The following UACA variants were observed in gnomAD, a reference collection of about 807,000 sequenced individuals.
The protein encoded by UACA is uveal autoantigen with coiled-coil domains and ankyrin repeats.
In UACA, 112 loss-of-function variants were observed where a neutral mutation model predicts 160.5. The observed-to-expected ratio is 0.70, with a 90% CI of 0.60 to 0.82. UACA has a LOEUF of 0.82. Ranked by LOEUF, UACA falls within the 40% of genes least tolerant of loss-of-function variation. The pLI is 0.00. For synonymous variants in UACA, 557 were observed against 568.4 expected (o/e 0.98, Z 0.29); for missense variants, 1,574 against 1,614.6 (o/e 0.97, Z 0.43).
At chr15:70,690,954 T>C (rs992196557) in intron 4 of UACA, among the ~76,000 whole-genome samples, 4 of 152,192 alleles carry the variant, frequency 2.6e-5, no homozygotes, top group African/African-American at 9.6e-5. Context: ...TAATATTATG[T>C]AGTATAAGTT....
intron 12 of UACA, 136 bp downstream of exon 12, chr15:70,676,972 T>C (rs1897320828): frequency 2.7e-5 from 18 of 669,414 alleles, no homozygotes; most frequent in Non-Finnish European, 3.0e-5. Context: ...TAGTCATCTA[T>C]AGATTTTGAA....
intron 9 of UACA, among the ~76,000 whole-genome samples, chr15:70,680,445 T>A (rs1270452371): frequency 6.6e-6 from 1 of 152,220 alleles, no homozygotes; most frequent in Non-Finnish European, 1.5e-5. Context: ...ATGTTTTGTA[T>A]TATTTGTTTA....
chr15:70,682,738 A>G lies in UACA; in HGVS notation c.822+20T>C. The G allele has an allele frequency of 6.7e-7, 1 of 1,482,760 alleles. No homozygotes were observed. Among genetic ancestry groups the G allele is most frequent in the Non-Finnish European group, 9.1e-7 (1 of 1,097,952 alleles). The allele number at this position is 1,482,760 out of a possible 1,614,324, so 91.9% of individuals were successfully genotyped here. On this transcript the variant is annotated intron_variant, in intron 9 of 18. Coordinates refer to ENST00000322954, the MANE Select transcript of UACA (RefSeq NM_018003.4). ...ACTATACAATACATATAATTATTTAAAATTAAAATTAATATCTACCTGTTG... is the reference window on the plus strand; with the variant it reads ...ACTATACAATACATATAATTATTTAGAATTAAAATTAATATCTACCTGTTG...
At chr15:70,720,459 C>T (rs1383264579) in intron 1 of UACA, among the ~76,000 whole-genome samples, 1 of 152,156 alleles carries the variant, frequency 6.6e-6, no homozygotes, top group South Asian at 2.1e-4. Flanking sequence ...CATGAGCCAC[C>T]ATGCCCCACC....
At chr15:70,740,682 C>A in intron 1 of UACA, among the ~76,000 whole-genome samples, 1 of 143,994 alleles carries the variant, frequency 6.9e-6, no homozygotes, top group Admixed American at 7.0e-5. Flanking sequence ...AGTTTTAGGG[C>A]AAAAATAATA....
At chr15:70,682,842 G>C (rs1454123364) in intron 8 of UACA, 47 bp from the exon 9 acceptor site, 2 of 1,413,844 alleles carry the variant, frequency 1.4e-6, no homozygotes, top group Non-Finnish European at 1.9e-6. Flanking sequence ...AGGTTAACTT[G>C]GGGTAGGTAC....
At chr15:70,777,772 A>G in the UACA span, among the ~76,000 whole-genome samples, 2 of 152,202 alleles carry the variant, frequency 1.3e-5, no homozygotes, top group Non-Finnish European at 2.9e-5. Context: ...TCGGAGGAAA[A>G]GAACTGGAGA....
chr15:70,699,349 T>G (rs949656019), intron 2 of UACA, among the ~76,000 whole-genome samples, 178 bp downstream of exon 2: 4 of 152,134 alleles, frequency 2.6e-5, no homozygotes, highest in Non-Finnish European at 5.9e-5. Flanking sequence ...GTTCCCTCTC[T>G]AGACTGGAAA....
At chr15:70,661,944 C>T (rs1896720523) in intron 17 of UACA, among the ~76,000 whole-genome samples, 1 of 152,176 alleles carries the variant, frequency 6.6e-6, no homozygotes, top group South Asian at 2.1e-4. Flanking sequence ...CCTTTGAAAA[C>T]TGGCACAAGA....
upstream of UACA, among the ~76,000 whole-genome samples, chr15:70,765,182 A>G (rs1428963302): frequency 6.6e-6 from 1 of 152,150 alleles, no homozygotes; most frequent in Non-Finnish European, 1.5e-5. Context: ...CTTTATGCAT[A>G]CTGATCCCTC....
At chr15:70,692,399 G>A (rs1351782803) in intron 3 of UACA, among the ~76,000 whole-genome samples, 2 of 152,110 alleles carry the variant, frequency 1.3e-5, no homozygotes, top group Non-Finnish European at 2.9e-5. Flanking sequence ...CTGGCCTCAA[G>A]CAATCCTGCT....
rs891145081 is a variant in UACA, at chr15:70,755,507, T to C, written c.78+7823A>G. Reference sequence around the variant, plus strand: ...AAACATGGTGAAACCCCATCTCTACTAAAAACACAAAACTTAGCCAGGCAT... The same window carrying C: ...AAACATGGTGAAACCCCATCTCTACCAAAAACACAAAACTTAGCCAGGCAT... On this transcript the variant is annotated intron_variant, in intron 1 of 18. Coordinates refer to ENST00000322954, the MANE Select transcript of UACA (RefSeq NM_018003.4). Among the ~76,000 whole-genome samples the C allele has an allele frequency of 4.6e-5, 7 of 151,786 alleles. No homozygotes were observed. In the East Asian group the frequency reaches 1.4e-3, roughly 29 times the overall value.
At chr15:70,760,598 A>G (rs1207480307) in intron 1 of UACA, among the ~76,000 whole-genome samples, 1 of 151,994 alleles carries the variant, frequency 6.6e-6, no homozygotes, top group African/African-American at 2.4e-5. Context: ...CACAAGGTCA[A>G]GAGATTGAGA....
intron 14 of UACA, 176 bp downstream of exon 14, chr15:70,671,789 A>C: frequency 2.5e-6 from 1 of 399,846 alleles, no homozygotes; most frequent in Non-Finnish European, 4.4e-6. Context: ...AATTATCAGA[A>C]TATGTTAGAA....
chr15:70,707,816 C>T (rs1003650687), intron 1 of UACA, among the ~76,000 whole-genome samples: 15 of 152,138 alleles, frequency 9.9e-5, no homozygotes, highest in African/African-American at 3.1e-4. Flanking sequence ...AACCCTTGTG[C>T]ACTGTGGGGA....
At chr15:70,716,352 C>T (rs1256373587) in intron 1 of UACA, among the ~76,000 whole-genome samples, 3 of 152,212 alleles carry the variant, frequency 2.0e-5, no homozygotes, top group African/African-American at 7.2e-5. Context: ...CAGACGACTG[C>T]AGCCACATGA....
At chr15:70,765,967 C>T (rs1275456504), upstream of UACA, among the ~76,000 whole-genome samples, 1 of 152,214 alleles carries the variant, frequency 6.6e-6, no homozygotes, top group Non-Finnish European at 1.5e-5. Flanking sequence ...CCTGTAACAT[C>T]CAAGTTATCA....
chr15:70,678,222 C>T lies in UACA; in HGVS notation c.892-16G>A, dbSNP rs370948476. 3 of 1,579,708 alleles carry T rather than the reference C, an allele frequency of 1.9e-6. No homozygotes were observed. The highest frequency in any genetic ancestry group is 2.7e-5 in the African/African-American group (2 of 73,446). ...TCTCCAAATCCTTAAATAATAAAGA[C>T]AACAAGGTGCCAGGCCAATCTTAAA... On this transcript the variant is annotated splice_polypyrimidine_tract_variant and intron_variant, in intron 10 of 18. Transcript: ENST00000322954.
chr15:70,665,268 C>T (rs1292166712), intron 16 of UACA, among the ~76,000 whole-genome samples: 1 of 152,058 alleles, frequency 6.6e-6, no homozygotes, highest in East Asian at 1.9e-4. Flanking sequence ...TTTAAGACCA[C>T]TTTGTTGTAG....
Sources: gnomAD v4.1 joint callset for allele counts (sites outside exome capture counted in the v4.1 genomes callset) on GRCh38, gnomAD v4.1.1 for gene constraint, MANE v1.5 for transcripts, NCBI Gene and HGNC (gene_info 2026-07-23, HGNC 2026-07-21) for gene names.